Variants in PCDHGB2 observed in about 807,000 individuals in gnomAD.
PCDHGB2 encodes protocadherin gamma subfamily B, 2, also known as protocadherin gamma-B2.
In PCDHGB2, 55 loss-of-function variants were observed where a neutral mutation model predicts 59.3. The observed-to-expected ratio is 0.93, with a 90% CI of 0.75 to 1.16. The LOEUF (loss-of-function observed/expected upper bound fraction) is 1.16. Ranked by LOEUF, PCDHGB2 falls within the 50% of genes most tolerant of loss-of-function variation. PCDHGB2 has a pLI of 0.00. For synonymous variants in PCDHGB2, 516 were observed against 512.0 expected, an observed-to-expected ratio of 1.01 and a Z score of -0.11; for missense variants, 1,228 against 1,198.5, an observed-to-expected ratio of 1.02 and a Z score of -0.36.
intron 1 of PCDHGB2, among the ~76,000 whole-genome samples, chr5:141,381,021 A>C (rs1337045827): frequency 6.6e-6 from 1 of 152,244 alleles, no homozygotes; most frequent in Non-Finnish European, 1.5e-5. Context: ...TACCTCTATT[A>C]GTTCCTTTAA....
rs370361048 is a variant in PCDHGB2, at chr5:141,361,546, A to G, written c.1411A>G (p.Ile471Val). 2.4e-5 allele frequency: 38 copies of G among 1,613,904 alleles called. No individual in the cohort carries two copies. Among genetic ancestry groups the G allele is most frequent in the South Asian group, 2.3e-4 (21 of 91,088 alleles). The change falls in exon 1 of 4, where the codon ATC becomes GTC. Residue 471 changes from isoleucine to valine, a missense_variant. By Grantham distance (29) the Ile-to-Val change is conservative. Transcript: ENST00000522605. The part of the protein sequence containing the change: ...VAENNPPGAS[I>V]AQISASDPDL... ...AGAGAACAATCCTCCTGGCGCCTCT[A>G]TCGCTCAAATCAGTGCCTCTGACCC...
chr5:141,431,053 G>A lies in PCDHGB2; in HGVS notation c.2422-63754G>A, dbSNP rs1208370015. On this transcript the variant is annotated intron_variant, in intron 1 of 3. Coordinates refer to ENST00000522605, the MANE Select transcript of PCDHGB2 (RefSeq NM_018923.3). This position sits in a 1 kb window ranked among gnomAD's most constrained non-coding sequence, Gnocchi z 4.8. ...TAGACCGGGAGGAGCTCTGTATGGG[G>A]GCCATCAAGTGTCAATTAAATCTAG... 1 of 1,614,174 alleles carries A rather than the reference G, an allele frequency of 6.2e-7. No homozygotes were observed. Among genetic ancestry groups the A allele is most frequent in the Admixed American group, 1.7e-5 (1 of 60,030 alleles).
At chr5:141,374,080 A>T in intron 1 of PCDHGB2, 1 of 1,520,068 alleles carries the variant, frequency 6.6e-7, no homozygotes. Context: ...CTAATAAGCC[A>T]GTAATGGCGC....
At position 141,384,825 on chromosome 5, in the gene PCDHGB2, C is replaced by T. The variant is rs570988671; in HGVS notation, c.2421+22269C>T. On this transcript the variant is annotated intron_variant, in intron 1 of 3. Transcript: ENST00000522605. ...ACAGAGATGCCCTCAAGCAGAGCCT[C>T]GTGGTGGCCGTCCAGGACCACGGTC... The T allele has an allele frequency of 5.0e-6, 8 of 1,613,474 alleles. No homozygotes were observed. The African/African-American group carries it at 9.3e-5, about 19-fold the overall frequency.
At chr5:141,434,830 C>A (rs7703679) in intron 1 of PCDHGB2, among the ~76,000 whole-genome samples, 45,467 of 151,546 alleles carry the variant, frequency 0.3, 8,050 homozygotes, top group African/African-American at 0.5. Flanking sequence ...GTACACTTGG[C>A]ATTTATAAAG....
At chr5:141,427,945 A>G (rs747625541) in intron 1 of PCDHGB2, 22 of 1,586,364 alleles carry the variant, frequency 1.4e-5, no homozygotes, top group Middle Eastern at 1.7e-4. Flanking sequence ...GGCGACCTCA[A>G]TGACAATGTG....
At chr5:141,421,185 C>T in intron 1 of PCDHGB2, 1 of 1,463,494 alleles carries the variant, frequency 6.8e-7, no homozygotes, top group Non-Finnish European at 9.1e-7. Flanking sequence ...GATTCACAAC[C>T]AACCAGCTCG....
intron 1 of PCDHGB2, chr5:141,421,396 C>T: frequency 2.5e-6 from 4 of 1,614,036 alleles, no homozygotes; most frequent in South Asian, 1.1e-5. Context: ...GGGGCTGGAG[C>T]CCCGGGAGCT....
At chr5:141,423,227 A>C (rs1305722929) in intron 1 of PCDHGB2, 5 of 1,613,634 alleles carry the variant, frequency 3.1e-6, no homozygotes, top group Non-Finnish European at 2.5e-6. Context: ...GCTGTGGCCG[A>C]CAGCATCCCC....
intron 2 of PCDHGB2, among the ~76,000 whole-genome samples, chr5:141,500,695 T>G (rs1214079801): frequency 1.3e-5 from 2 of 152,214 alleles, no homozygotes; most frequent in Admixed American, 6.5e-5. Flanking sequence ...TTTTTCTTCT[T>G]TGCAGTGTAT....
intron 1 of PCDHGB2, chr5:141,364,245 A>G (rs1763237090): frequency 1.4e-6 from 2 of 1,460,650 alleles, no homozygotes; most frequent in Non-Finnish European, 9.1e-7. Flanking sequence ...CATTTTCGTC[A>G]GGGAATATGT....
intron 1 of PCDHGB2, among the ~76,000 whole-genome samples, chr5:141,454,796 ATTTTTTTTTTTTTTTTTTT>A (rs61612330): frequency 3.9e-5 from 3 of 77,408 alleles, no homozygotes; most frequent in African/African-American, 1.2e-4. Context: ...CATGGTTCTA[ATTTTTTTTTTTTTTTTTTT>A]TTTTTTTTTT....
In PCDHGB2 at chr5:141,360,095, C is replaced by G. The variant is rs1402675837; in HGVS notation, c.-41C>G. On this transcript the variant is annotated 5_prime_UTR_variant, in exon 1 of 4. Coordinates refer to ENST00000522605, the MANE Select transcript of PCDHGB2 (RefSeq NM_018923.3). Reference sequence around the variant, plus strand: ...CCCGGATTCTGCCATCCCCGGAAGGCTTATTCCTCCTATGGGCAAAGGAGC... The same window carrying G: ...CCCGGATTCTGCCATCCCCGGAAGGGTTATTCCTCCTATGGGCAAAGGAGC... 8 of 1,523,900 alleles carry G rather than the reference C, an allele frequency of 5.2e-6. No individual in the cohort carries two copies. The African/African-American group carries it at 1.1e-4, about 21-fold the overall frequency. The allele number at this position is 1,523,900 out of a possible 1,614,324, so 94.4% of individuals were successfully genotyped here.
chr5:141,497,892 C>T (rs2099780275), intron 2 of PCDHGB2, among the ~76,000 whole-genome samples: 1 of 152,138 alleles, frequency 6.6e-6, no homozygotes, highest in Admixed American at 6.6e-5. Flanking sequence ...AGGATCTAGT[C>T]CAGTAACTTC....
chr5:141,403,004 T>A, intron 1 of PCDHGB2: 1 of 1,613,990 alleles, frequency 6.2e-7, no homozygotes, highest in Non-Finnish European at 8.5e-7. Context: ...CCTGCTATGC[T>A]CGCTCCTGGG....
At chr5:141,420,457 T>A in intron 1 of PCDHGB2, 1 of 927,890 alleles carries the variant, frequency 1.1e-6, no homozygotes. Flanking sequence ...TTCCTACTAT[T>A]CAAAGACATT....
rs773609097 is a variant in PCDHGB2 at position 141,408,614 on chromosome 5, A to C, written c.2421+46058A>C. 2.2e-5 allele frequency: 36 copies of C among 1,614,008 alleles called. No individual in the cohort carries two copies. Among genetic ancestry groups the C allele is most frequent in the Non-Finnish European group, 3.1e-5 (36 of 1,179,890 alleles). On this transcript the variant is annotated intron_variant, in intron 1 of 3. Coordinates refer to ENST00000522605, the MANE Select transcript of PCDHGB2 (RefSeq NM_018923.3). The stretch of plus-strand genomic sequence containing the variant: ...CGCCCCTCAATTTGATAAAAAGGAA[A>C]TACATTTAGAAATTTTCGAATCTGC...
intron 1 of PCDHGB2, chr5:141,403,053 C>A: frequency 6.2e-7 from 1 of 1,614,076 alleles, no homozygotes; most frequent in Non-Finnish European, 8.5e-7. Context: ...ATTCGCTACT[C>A]AGTGCCTGAA....
chr5:141,431,604 G>C lies in PCDHGB2; in HGVS notation c.2422-63203G>C. 1 of 1,614,206 alleles carries C rather than the reference G, an allele frequency of 6.2e-7. No individual in the cohort carries two copies. Among genetic ancestry groups the C allele is most frequent in the South Asian group, 1.1e-5 (1 of 91,088 alleles). On this transcript the variant is annotated intron_variant, in intron 1 of 3. Coordinates refer to ENST00000522605, the MANE Select transcript of PCDHGB2 (RefSeq NM_018923.3). The surrounding 1 kb of genome is among the most constrained non-coding windows in gnomAD (Gnocchi z 4.8). ...AATGCGGAAGTGAGGTATTCCTTCC[G>C]GTATGTGGACGACAAGGCGGCCCAA...
Sources: gnomAD v4.1 joint callset for allele counts (sites outside exome capture counted in the v4.1 genomes callset) on GRCh38, gnomAD v4.1.1 for gene constraint, Gnocchi (gnomAD v3.1) non-coding constraint, MANE v1.5 for transcripts, NCBI Gene and HGNC (gene_info 2026-07-23, HGNC 2026-07-21) for gene names.